The following SPAST variants were observed in gnomAD, a reference collection of about 807,000 sequenced individuals.
SPAST encodes the protein spastic paraplegia 4 (autosomal dominant; spastin).
In SPAST, 30 loss-of-function variants were observed where a neutral mutation model predicts 76.6. The ratio of observed to expected loss-of-function variants is 0.39; its 90% CI spans 0.29 to 0.53. SPAST has a LOEUF of 0.53. Ranked by LOEUF, SPAST falls within the 20% of genes least tolerant of loss-of-function variation. The pLI, the probability that SPAST is intolerant of heterozygous loss-of-function variation, is 0.68. For missense variants in SPAST, 717 were observed against 770.5 expected, an observed-to-expected ratio of 0.93 and a Z score of 0.82; for synonymous variants, 305 against 281.0, an observed-to-expected ratio of 1.09 and a Z score of -0.86.
intron 4 of SPAST, among the ~76,000 whole-genome samples, chr2:32,112,335 C>A (rs1181990472): frequency 1.4e-5 from 2 of 147,924 alleles, no homozygotes; most frequent in Non-Finnish European, 3.0e-5. Flanking sequence ...TTTAAGGTAT[C>A]CTGAATGTGG....
chr2:32,148,332 C>T (rs2148763997), intron 16 of SPAST, among the ~76,000 whole-genome samples: 1 of 152,138 alleles, frequency 6.6e-6, no homozygotes, highest in Non-Finnish European at 1.5e-5. Flanking sequence ...AACATATATA[C>T]ATAAAGTCAT....
chr2:32,064,853 A>G (rs1676446076), intron 1 of SPAST, among the ~76,000 whole-genome samples: 1 of 152,124 alleles, frequency 6.6e-6, no homozygotes, highest in South Asian at 2.1e-4. Flanking sequence ...TGTTGCTTTG[A>G]TTTTAATTAA....
At chr2:32,068,577 GC>G (rs1410608950) in intron 1 of SPAST, among the ~76,000 whole-genome samples, 1 of 152,058 alleles carries the variant, frequency 6.6e-6, no homozygotes, top group Non-Finnish European at 1.5e-5. Flanking sequence ...ACTCGCCTTG[GC>G]CTCACAAACT....
intron 4 of SPAST, among the ~76,000 whole-genome samples, chr2:32,110,461 A>G (rs868288982): frequency 3.5e-5 from 5 of 144,332 alleles, no homozygotes; most frequent in Admixed American, 2.1e-4. Flanking sequence ...ATTTTTAGTT[A>G]TATCAAAATA....
intron 4 of SPAST, among the ~76,000 whole-genome samples, chr2:32,101,156 A>C (rs1299144246): frequency 6.6e-6 from 1 of 152,112 alleles, no homozygotes; most frequent in Non-Finnish European, 1.5e-5. Flanking sequence ...CGCCATTCTA[A>C]CTGGTGTGAG....
chr2:32,132,987 G>A (rs1219686774), intron 9 of SPAST, among the ~76,000 whole-genome samples: 2 of 151,852 alleles, frequency 1.3e-5, no homozygotes, highest in Non-Finnish European at 2.9e-5. Context: ...CGGAGGTTGC[G>A]GTGAGCCGAG....
chr2:32,101,609 A>T (rs1678129056), intron 4 of SPAST, among the ~76,000 whole-genome samples: 1 of 152,090 alleles, frequency 6.6e-6, no homozygotes, highest in Non-Finnish European at 1.5e-5. Context: ...TAGTTTTAGA[A>T]CTAACATTTA....
rs935080672 is a variant in SPAST at position 32,154,916 on chromosome 2, A to G, written c.*420A>G. 2.4e-5 allele frequency: 4 copies of G among 169,476 alleles called. No individual in the cohort carries two copies. The highest frequency in any genetic ancestry group is 4.8e-5 in the African/African-American group (2 of 41,616). 10.5% of individuals were successfully genotyped at this position (169,476 alleles called of 1,614,324 possible). On this transcript the variant is annotated 3_prime_UTR_variant, in exon 17 of 17. Coordinates refer to ENST00000315285, the MANE Select transcript of SPAST (RefSeq NM_014946.4). ...TTTTCTTAAAATAGTAATTTCTCCTACTTTTCTTTTCTACTGTTGTCTTAA... is the reference window on the plus strand; with the variant it reads ...TTTTCTTAAAATAGTAATTTCTCCTGCTTTTCTTTTCTACTGTTGTCTTAA...
intron 14 of SPAST, among the ~76,000 whole-genome samples, chr2:32,143,712 C>CCAAA (rs1679796900): frequency 1.3e-5 from 2 of 152,068 alleles, no homozygotes; most frequent in South Asian, 4.1e-4. Context: ...AACATTTACA[C>CCAAA]CTTAGGCAAC....
chr2:32,105,071 C>T (rs553802531), intron 4 of SPAST, among the ~76,000 whole-genome samples: 17 of 152,216 alleles, frequency 1.1e-4, no homozygotes, highest in African/African-American at 3.1e-4. Flanking sequence ...CCATTCTCCC[C>T]GTCACTTTCA....
In SPAST at chr2:32,154,371, T is replaced by C; in HGVS notation, c.1729-3T>C. 6.2e-7 allele frequency: 1 copy of C among 1,612,406 alleles called. No individual in the cohort carries two copies. Among genetic ancestry groups the C allele is most frequent in the Non-Finnish European group, 8.5e-7 (1 of 1,178,440 alleles). Reference sequence around the variant, plus strand: ...TATTGTCATGTGCTTTTTAAAAATCTAGATGAGAAATATTCGATTATCTGA... The same window carrying C: ...TATTGTCATGTGCTTTTTAAAAATCCAGATGAGAAATATTCGATTATCTGA... On this transcript the variant is annotated splice_polypyrimidine_tract_variant and splice_region_variant and intron_variant, in intron 16 of 16. Transcript: ENST00000315285.
intron 4 of SPAST, among the ~76,000 whole-genome samples, chr2:32,107,591 A>T (rs1247945689): frequency 6.6e-6 from 1 of 152,168 alleles, no homozygotes. Flanking sequence ...ATGATGCTCA[A>T]AGGAAATACT....
chr2:32,104,951 A>C (rs912246839), intron 4 of SPAST, among the ~76,000 whole-genome samples: 1 of 152,150 alleles, frequency 6.6e-6, no homozygotes, highest in Non-Finnish European at 1.5e-5. Context: ...CTTCTTGAGT[A>C]GTATCTTTGT....
chr2:32,067,696 G>A (rs1013626336), intron 1 of SPAST, among the ~76,000 whole-genome samples: 1 of 150,148 alleles, frequency 6.7e-6, no homozygotes, highest in Non-Finnish European at 1.5e-5. Flanking sequence ...ACCCAAGCTG[G>A]AGTGGAATGT....
chr2:32,090,162 C>T (rs1338767816), intron 3 of SPAST, among the ~76,000 whole-genome samples: 3 of 152,252 alleles, frequency 2.0e-5, no homozygotes, highest in African/African-American at 4.8e-5. Flanking sequence ...CAAACTGCAG[C>T]TGATGGGCCA....
Position 32,098,788 on chromosome 2 carries a change from T to C in SPAST, c.587-8T>C, listed in dbSNP as rs1292047203. 1.9e-6 allele frequency: 3 copies of C among 1,586,054 alleles called. No individual in the cohort carries two copies. The highest frequency in any genetic ancestry group is 2.6e-6 in the Non-Finnish European group (3 of 1,154,372). ...TTTTTTCTGTTTTTTACCTTCTCTG[T>C]TGCATAGAGAAGATGCAACCAGTTT... On this transcript the variant is annotated splice_polypyrimidine_tract_variant and splice_region_variant and intron_variant, in intron 3 of 16. Coordinates refer to ENST00000315285, the MANE Select transcript of SPAST (RefSeq NM_014946.4).
At chr2:32,148,578 G>A (rs1679971055) in intron 16 of SPAST, among the ~76,000 whole-genome samples, 1 of 152,178 alleles carries the variant, frequency 6.6e-6, no homozygotes. Flanking sequence ...GGGAGGCCGA[G>A]GCGGGCGGAT....
chr2:32,064,986 C>T (rs1676451416), intron 1 of SPAST, among the ~76,000 whole-genome samples: 2 of 151,938 alleles, frequency 1.3e-5, no homozygotes, highest in Admixed American at 1.3e-4. Flanking sequence ...TGAATGAAAG[C>T]AAGGATACTA....
At chr2:32,109,350 C>T (rs1384363207) in intron 4 of SPAST, among the ~76,000 whole-genome samples, 2 of 151,996 alleles carry the variant, frequency 1.3e-5, no homozygotes, top group Non-Finnish European at 2.9e-5. Flanking sequence ...TTCAGGTGAT[C>T]CACCCGCCTC....
Sources: gnomAD v4.1 joint callset for allele counts (sites outside exome capture counted in the v4.1 genomes callset) on GRCh38, gnomAD v4.1.1 for gene constraint, MANE v1.5 for transcripts, NCBI Gene and HGNC (gene_info 2026-07-23, HGNC 2026-07-21) for gene names.